Variants in SYNE2 observed in about 807,000 individuals in gnomAD.
SYNE2 encodes the protein spectrin repeat containing nuclear envelope protein 2.
A neutral mutation model predicts 856.3 loss-of-function variants in SYNE2; 431 were observed. The ratio of observed to expected loss-of-function variants is 0.50; its 90% CI spans 0.47 to 0.55. The LOEUF (loss-of-function observed/expected upper bound fraction) is 0.55, where lower values mean the gene tolerates loss of function less well. SYNE2 is among the 20% of genes least tolerant of loss of function. The pLI is 0.00. For missense variants in SYNE2, 8,129 were observed against 8,023.2 expected (o/e 1.01, Z -0.50); for synonymous variants, 2,923 against 2,872.3 (o/e 1.02, Z -0.56).
In SYNE2 at chr14:63,964,134, G is replaced by A. The variant is rs1021066398; in HGVS notation, c.990+134G>A. ...TGAAAGTTTTAAGGCTGAATTCTAG[G>A]ACTGTACTTCCGAAACTTTAAGGTG... On this transcript the variant is annotated intron_variant, in intron 10 of 115. Transcript: ENST00000555002. The A allele has an allele frequency of 4.2e-5, 27 of 640,356 alleles. No homozygotes were observed. In the South Asian group the frequency reaches 4.8e-4, roughly 11 times the overall value. 39.7% of individuals were successfully genotyped at this position (640,356 alleles called of 1,614,324 possible).
intron 19 of SYNE2, among the ~76,000 whole-genome samples, chr14:63,989,785 G>A (rs1216636901): frequency 6.6e-6 from 1 of 151,982 alleles, no homozygotes; most frequent in African/African-American, 2.4e-5. Flanking sequence ...CGAGTAACTG[G>A]GACTACAGGC....
At chr14:63,821,794 G>A (rs1889227131) in intron 1 of SYNE2, among the ~76,000 whole-genome samples, 1 of 151,880 alleles carries the variant, frequency 6.6e-6, no homozygotes, top group African/African-American at 2.4e-5. Context: ...ATGAAAATCT[G>A]TTCATTCATA....
intron 1 of SYNE2, among the ~76,000 whole-genome samples, chr14:63,842,545 C>A (rs1890104333): frequency 6.6e-6 from 1 of 151,746 alleles, no homozygotes; most frequent in Non-Finnish European, 1.5e-5. Flanking sequence ...ACTGCAACCA[C>A]TGCCTCCCGG....
intron 74 of SYNE2, among the ~76,000 whole-genome samples, chr14:64,129,289 A>G (rs1049583179): frequency 6.6e-6 from 1 of 152,374 alleles, no homozygotes; most frequent in South Asian, 2.1e-4. Flanking sequence ...CTTGGGTGAC[A>G]GAGCCAGACT....
In SYNE2 at chr14:64,186,520, A is replaced by T. The variant is rs137866467; in HGVS notation, c.17653A>T (p.Met5885Leu). Residue 5885 changes from methionine to leucine, a missense_variant, in exon 97 of 116, where the codon ATG (methionine) becomes TTG (leucine). Physicochemically the swap from Met to Leu is conservative, Grantham distance 15. Around this residue, in one of 3 missense-constraint regions of SYNE2, gnomAD observed 5,410 missense variants for 5,284.8 expected, o/e 1.02. Transcript: ENST00000555002. ...CCGGCACGTTCTCGTGGAAGATGTG[A>T]TGGTTTTGAAGGAGCAAATAGAGCA... is the stretch of plus-strand genomic sequence containing the variant. The part of the protein sequence containing the change: ...LTRHVLVEDV[M>L]VLKEQIEHLH... 3.4e-5 allele frequency: 55 copies of T among 1,614,206 alleles called. No individual in the cohort carries two copies. In the Middle Eastern group the frequency reaches 4.9e-4, roughly 15 times the overall value.
At chr14:63,803,430 C>T (rs905778572) in intron 1 of SYNE2, among the ~76,000 whole-genome samples, 23 of 152,312 alleles carry the variant, frequency 1.5e-4, no homozygotes, top group Middle Eastern at 3.4e-3. Context: ...AGCTAAGGCT[C>T]GGTGAGAAAT....
At chr14:64,200,495 T>C (rs2098557191) in intron 99 of SYNE2, among the ~76,000 whole-genome samples, 1 of 152,152 alleles carries the variant, frequency 6.6e-6, no homozygotes, top group African/African-American at 2.4e-5. Flanking sequence ...GTGTTCTTTT[T>C]GGAACCAGGG....
At chr14:64,116,894 GA>G (rs372767014) in intron 66 of SYNE2, among the ~76,000 whole-genome samples, 11 of 152,288 alleles carry the variant, frequency 7.2e-5, no homozygotes, top group African/African-American at 2.4e-4. Flanking sequence ...AACGTGTGGA[GA>G]CAGATGAAAA....
At chr14:64,108,144 T>C (rs2153651167) in intron 65 of SYNE2, among the ~76,000 whole-genome samples, 1 of 151,944 alleles carries the variant, frequency 6.6e-6, no homozygotes, top group East Asian at 1.9e-4. Context: ...ATGTCAGGAG[T>C]TTGAGACCAG....
intron 85 of SYNE2, among the ~76,000 whole-genome samples, chr14:64,157,470 A>C (rs781472624): frequency 1.5e-4 from 23 of 152,166 alleles, no homozygotes; most frequent in Non-Finnish European, 2.9e-4. Flanking sequence ...TACCATATTT[A>C]GTTTACCTCT....
intron 18 of SYNE2, among the ~76,000 whole-genome samples, chr14:63,986,140 C>T (rs2096623989): frequency 6.6e-6 from 1 of 152,146 alleles, no homozygotes; most frequent in Non-Finnish European, 1.5e-5. Flanking sequence ...TGCTTTGTTG[C>T]CCAGGCTGGA....
upstream of SYNE2, among the ~76,000 whole-genome samples, chr14:63,851,881 G>C (rs1408408909): frequency 1.3e-5 from 2 of 150,428 alleles, no homozygotes; most frequent in African/African-American, 4.9e-5. Flanking sequence ...CCAGGAGTTT[G>C]AGACTAGCTT....
chr14:63,986,566 A>G lies in SYNE2; in HGVS notation c.2262A>G (p.Lys754=). 1 of 1,614,186 alleles carries G rather than the reference A, an allele frequency of 6.2e-7. No individual in the cohort carries two copies. The highest frequency in any genetic ancestry group is 1.1e-5 in the South Asian group (1 of 91,082). Reference sequence around the variant, plus strand: ...TGGAAATCTGGGAGGCAGAAGCCAAATCTGTTTTGGATCAAGATGATGTGG... The same window carrying G: ...TGGAAATCTGGGAGGCAGAAGCCAAGTCTGTTTTGGATCAAGATGATGTGG... The part of the protein sequence containing the change: ...GQVEIWEAEA[K]SVLDQDDVDT... The change falls in exon 19 of 116, where the codon AAA becomes AAG. Residue 754 remains lysine (K), a synonymous_variant. Coordinates refer to ENST00000555002, the MANE Select transcript of SYNE2 (RefSeq NM_182914.3).
At chr14:64,129,609 A>T (rs2097991436) in intron 74 of SYNE2, among the ~76,000 whole-genome samples, 173 bp from the exon 75 acceptor site, 1 of 152,192 alleles carries the variant, frequency 6.6e-6, no homozygotes, top group South Asian at 2.1e-4. Flanking sequence ...GCATGTTAGG[A>T]ACTTGGGACC....
intron 45 of SYNE2, among the ~76,000 whole-genome samples, chr14:64,046,539 G>A (rs935641928): frequency 6.6e-6 from 1 of 152,126 alleles, no homozygotes; most frequent in Non-Finnish European, 1.5e-5. Flanking sequence ...TTTTTGTACA[G>A]ATGGGGTTTC....
In SYNE2 at chr14:63,924,383, A is replaced by G. The variant is rs561812076; in HGVS notation, c.79+15156A>G. Among the ~76,000 whole-genome samples the G allele has an allele frequency of 2.6e-5, 4 of 152,082 alleles. No homozygotes were observed. In the South Asian group the frequency reaches 8.3e-4, roughly 32 times the overall value. On this transcript the variant is annotated intron_variant, in intron 2 of 115. Transcript: ENST00000555002. ...ATGAATTTTAGGATTAGCTTGTCCA[A>G]TTCTGAAAAAAAAAATGGCAGCTAA...
chr14:64,137,097 A>T (rs117499964), intron 78 of SYNE2, among the ~76,000 whole-genome samples: 35 of 152,366 alleles, frequency 2.3e-4, no homozygotes, highest in Non-Finnish European at 4.1e-4. Context: ...TTAAGGTCAC[A>T]CAAAACCTAT....
In SYNE2 at chr14:64,170,403, G is replaced by T. The variant is rs191837228; in HGVS notation, c.17176G>T (p.Val5726Leu). ...TGACACCAGCCACCTGCTATCTGCA[G>T]TGAAGGGCCAGGAGCGCTTCAGCCT... ...LTDTSHLLSAVKGQERFSLYQ... is the reference protein window; with the variant it reads ...LTDTSHLLSALKGQERFSLYQ... The change falls in exon 94 of 116, where the codon GTG becomes TTG. Residue 5726 changes from valine to leucine, a missense_variant. By Grantham distance (32) the Val-to-Leu change is conservative. Coordinates refer to ENST00000555002, the MANE Select transcript of SYNE2 (RefSeq NM_182914.3). The T allele has an allele frequency of 1.9e-6, 3 of 1,614,210 alleles. No homozygotes were observed. The highest frequency in any genetic ancestry group is 1.3e-5 in the African/African-American group (1 of 75,046).
intron 1 of SYNE2, among the ~76,000 whole-genome samples, chr14:63,838,341 A>T (rs1467868169): frequency 6.6e-6 from 1 of 152,188 alleles, no homozygotes; most frequent in Non-Finnish European, 1.5e-5. Flanking sequence ...CATTTCAAAA[A>T]ACAAAACAAA....
Sources: allele counts gnomAD v4.1 joint callset (sites outside exome capture counted in the v4.1 genomes callset), GRCh38; gene constraint gnomAD v4.1.1; regional missense constraint gnomAD v4.1.1; transcripts MANE v1.5; gene names NCBI Gene and HGNC (gene_info 2026-07-23, HGNC 2026-07-21).